Variants in CAMTA1 observed in about 807,000 individuals in gnomAD.
The protein encoded by CAMTA1 is calmodulin binding transcription activator 1, also known as calmodulin-binding transcription activator 1.
In CAMTA1, 27 loss-of-function variants were observed where a neutral mutation model predicts 170.9. The observed-to-expected ratio is 0.16, with a 90% confidence interval of 0.12 to 0.22. The LOEUF is 0.22. Ranked by LOEUF, CAMTA1 falls within the 10% of genes least tolerant of loss-of-function variation. CAMTA1 has a pLI of 1.00. For synonymous variants in CAMTA1, 833 were observed against 891.5 expected (o/e 0.93, Z 1.17); for missense variants, 1,619 against 2,217.2 (o/e 0.73, Z 5.42).
At chr1:7,069,649 C>G (rs2147901257) in intron 3 of CAMTA1, among the ~76,000 whole-genome samples, 1 of 152,094 alleles carries the variant, frequency 6.6e-6, no homozygotes, top group South Asian at 2.1e-4. Context: ...GGGAGAGGAA[C>G]AAGAGAGCCT....
intron 3 of CAMTA1, among the ~76,000 whole-genome samples, chr1:6,901,449 C>T (rs1362805288): frequency 6.6e-6 from 1 of 152,176 alleles, no homozygotes; most frequent in East Asian, 1.9e-4. Context: ...AAACAAGCCA[C>T]AGACTGGGAG....
chr1:7,628,740 G>T (rs988359660), intron 6 of CAMTA1, among the ~76,000 whole-genome samples: 1 of 152,272 alleles, frequency 6.6e-6, no homozygotes, highest in Non-Finnish European at 1.5e-5. Flanking sequence ...GAAGTGGGGC[G>T]CACGTGCTTG....
chr1:6,984,029 GATGGATTAATGAATGGATAGATGGATAA>G (rs1412009905), intron 3 of CAMTA1, among the ~76,000 whole-genome samples: 3 of 152,062 alleles, frequency 2.0e-5, no homozygotes, highest in East Asian at 1.9e-4. Flanking sequence ...TGGGCAGATG[GATGGATTAATGAATGGATAGATGGATAA>G]ATGGGTGGGT....
chr1:7,291,829 C>A (rs1390441359), intron 5 of CAMTA1, among the ~76,000 whole-genome samples: 4 of 152,206 alleles, frequency 2.6e-5, no homozygotes, highest in African/African-American at 9.7e-5. Flanking sequence ...TCTAGAGGTA[C>A]ATTCCTCCTT....
intron 3 of CAMTA1, chr1:6,888,289 A>G (rs1413736414): frequency 1.0e-6 from 1 of 977,140 alleles, no homozygotes; most frequent in Non-Finnish European, 1.2e-6. Flanking sequence ...TAAAGCAGTG[A>G]AAGTTTGGAA....
intron 5 of CAMTA1, among the ~76,000 whole-genome samples, chr1:7,334,970 C>G (rs2083261094): frequency 6.6e-6 from 1 of 152,150 alleles, no homozygotes; most frequent in Non-Finnish European, 1.5e-5. Context: ...ACTCCGCGGA[C>G]AATTTAAACT....
At chr1:7,655,036 C>A (rs1262412476) in intron 7 of CAMTA1, among the ~76,000 whole-genome samples, 9 of 124,430 alleles carry the variant, frequency 7.2e-5, no homozygotes, top group Admixed American at 3.3e-4. Flanking sequence ...ACAAACACAC[C>A]CACCTATACA....
rs111430608 is a variant in CAMTA1 at position 7,510,013 on chromosome 1, CA to C, written c.510+42124del. ...CCTGCAAAAACAAACAAACAAACAA[CA>C]AAAAAAAAAAACACTGTCCTCCGAG... is the stretch of plus-strand genomic sequence containing the variant. On this transcript the variant is annotated intron_variant, in intron 6 of 22. Transcript: ENST00000303635. Among the ~76,000 whole-genome samples, 165 of 136,302 alleles carry C rather than the reference CA, an allele frequency of 1.2e-3. 15 individuals are homozygous for C. Among genetic ancestry groups the C allele is most frequent in the Admixed American group, 4.5e-3 (62 of 13,694 alleles). 89.4% of individuals were successfully genotyped at this position (136,302 alleles called of 152,430 possible).
chr1:7,562,184 C>T lies in CAMTA1; in HGVS notation c.511-78216C>T, dbSNP rs2094965815. Among the ~76,000 whole-genome samples, 1 of 152,210 alleles carries T rather than the reference C, an allele frequency of 6.6e-6. No individual in the cohort carries two copies. Among genetic ancestry groups the T allele is most frequent in the Non-Finnish European group, 1.5e-5 (1 of 68,038 alleles). On this transcript the variant is annotated intron_variant, in intron 6 of 22. Coordinates refer to ENST00000303635, the MANE Select transcript of CAMTA1 (RefSeq NM_015215.4). The surrounding 1 kb of genome is among the most constrained non-coding windows in gnomAD (Gnocchi z 4.8). The stretch of plus-strand genomic sequence containing the variant: ...AGCTGCCCAGTCCTGAGGCCCGGCA[C>T]CCCAGCTCCGGCCCCTCCCAAATCT...
At chr1:7,163,250 G>A (rs969129652) in intron 4 of CAMTA1, among the ~76,000 whole-genome samples, 39 of 148,106 alleles carry the variant, frequency 2.6e-4, no homozygotes, top group Non-Finnish European at 4.0e-4. Context: ...GGTTTCAGAG[G>A]TGGTGCTGTT....
At chr1:7,265,148 GCA>G (rs1418023013) in intron 5 of CAMTA1, among the ~76,000 whole-genome samples, 31 of 152,296 alleles carry the variant, frequency 2.0e-4, no homozygotes, top group Admixed American at 1.9e-3. Flanking sequence ...CAGCTCCTGA[GCA>G]GGTGAACTGT....
intron 7 of CAMTA1, among the ~76,000 whole-genome samples, chr1:7,646,041 A>G (rs371712354): frequency 2.6e-5 from 4 of 151,198 alleles, no homozygotes; most frequent in African/African-American, 9.8e-5. Flanking sequence ...AGTGCAGGTG[A>G]AGGCCCTGGT....
At chr1:6,982,507 A>AT (rs1694600970) in intron 3 of CAMTA1, among the ~76,000 whole-genome samples, 1 of 151,752 alleles carries the variant, frequency 6.6e-6, no homozygotes, top group Non-Finnish European at 1.5e-5. Flanking sequence ...CAGGCTCCTT[A>AT]TGGGGGTGGG....
chr1:7,651,497 C>T (rs1240749950), intron 7 of CAMTA1, among the ~76,000 whole-genome samples: 1 of 152,254 alleles, frequency 6.6e-6, no homozygotes, highest in African/African-American at 2.4e-5. Context: ...TCACCCGTTC[C>T]AGGAGCCACC....
At chr1:7,291,100 G>A (rs1006859054) in intron 5 of CAMTA1, among the ~76,000 whole-genome samples, 10 of 152,186 alleles carry the variant, frequency 6.6e-5, no homozygotes, top group African/African-American at 2.4e-4. Context: ...GCTCAGTGAA[G>A]CACTGGTGGG....
At chr1:7,304,949 AT>A (rs993690497) in intron 5 of CAMTA1, among the ~76,000 whole-genome samples, 7 of 152,070 alleles carry the variant, frequency 4.6e-5, no homozygotes. Flanking sequence ...TTACAAAAAA[AT>A]GTTTTTGGTA....
chr1:7,322,976 C>G (rs1238293839), intron 5 of CAMTA1, among the ~76,000 whole-genome samples: 3 of 114,432 alleles, frequency 2.6e-5, no homozygotes, highest in Non-Finnish European at 5.0e-5. Context: ...TCCGTTCCTC[C>G]CTTTCCCCTT....
intron 11 of CAMTA1, among the ~76,000 whole-genome samples, chr1:7,728,924 G>T (rs1364902684): frequency 6.6e-6 from 1 of 152,170 alleles, no homozygotes. Context: ...TGTGTATTCA[G>T]AGTTACCTCC....
chr1:7,493,746 G>T (rs2093779143), intron 6 of CAMTA1, among the ~76,000 whole-genome samples: 1 of 152,114 alleles, frequency 6.6e-6, no homozygotes, highest in South Asian at 2.1e-4. Flanking sequence ...GGGTTCCCTG[G>T]CCACGCATCC....
Sources: allele counts gnomAD v4.1 joint callset (sites outside exome capture counted in the v4.1 genomes callset), GRCh38; gene constraint gnomAD v4.1.1; non-coding constraint Gnocchi (gnomAD v3.1); transcripts MANE v1.5; gene names NCBI Gene and HGNC (gene_info 2026-07-23, HGNC 2026-07-21).